The following ARID5B variants were observed in gnomAD, a reference collection of about 807,000 sequenced individuals.
ARID5B encodes AT-rich interaction domain 5B, also known as AT-rich interactive domain-containing protein 5B.
In ARID5B, 13 loss-of-function variants were observed where a neutral mutation model predicts 97.2. The ratio of observed to expected loss-of-function variants is 0.13; its 90% CI spans 0.09 to 0.21. The LOEUF is 0.21. Among genes scored for constraint, ARID5B ranks in the 10% least tolerant of loss-of-function variants. The pLI, the probability that ARID5B is intolerant of heterozygous loss-of-function variation, is 1.00. For synonymous variants in ARID5B, 556 were observed against 570.3 expected (o/e 0.97, Z 0.36); for missense variants, 1,210 against 1,465.3 (o/e 0.83, Z 2.84).
chr10:61,991,584 G>A (rs1188713453), intron 3 of ARID5B, among the ~76,000 whole-genome samples: 4 of 152,068 alleles, frequency 2.6e-5, no homozygotes, highest in African/African-American at 9.7e-5. Flanking sequence ...CCCTTATCAG[G>A]TATATGCTTT....
In ARID5B at chr10:61,925,731, CA is replaced by C. The variant is rs1299508665; in HGVS notation, c.277-14451del. Among the ~76,000 whole-genome samples the C allele has an allele frequency of 2.0e-5, 3 of 152,228 alleles. No individual in the cohort carries two copies. The East Asian group carries it at 5.8e-4, about 29-fold the overall frequency. On this transcript the variant is annotated intron_variant, in intron 2 of 9. Transcript: ENST00000279873. ...TTCTAGGACTTTCTCTGGAGATGGT[CA>C]GGGGAGCAGGCTGCAGCCGACCAGG... is the stretch of plus-strand genomic sequence containing the variant.
At chr10:61,964,231 G>A (rs1468616569) in intron 3 of ARID5B, among the ~76,000 whole-genome samples, 1 of 152,116 alleles carries the variant, frequency 6.6e-6, no homozygotes, top group East Asian at 1.9e-4. Flanking sequence ...GGGTGTCCAG[G>A]AACTCCCAAG....
At chr10:61,910,437 T>A (rs74156278) in intron 2 of ARID5B, among the ~76,000 whole-genome samples, 305 of 152,308 alleles carry the variant, frequency 2.0e-3, no homozygotes, top group African/African-American at 7.0e-3. Flanking sequence ...TTAAGGAAAT[T>A]TAAAACAAAT....
intron 4 of ARID5B, among the ~76,000 whole-genome samples, chr10:62,028,915 C>G (rs1020331221): frequency 6.6e-6 from 1 of 151,102 alleles, no homozygotes; most frequent in African/African-American, 2.4e-5. Context: ...TGAGATCACG[C>G]CACTGCGCTC....
intron 2 of ARID5B, among the ~76,000 whole-genome samples, chr10:61,917,973 C>T (rs894941263): frequency 2.0e-5 from 3 of 152,090 alleles, no homozygotes; most frequent in African/African-American, 7.2e-5. Context: ...TTGAAAACAC[C>T]TAGGGATGGA....
intron 3 of ARID5B, among the ~76,000 whole-genome samples, chr10:61,998,336 C>T (rs1839030150): frequency 1.3e-5 from 2 of 152,164 alleles, no homozygotes; most frequent in African/African-American, 4.8e-5. Flanking sequence ...AGTGCAATTC[C>T]CTGCAGCATG....
At chr10:62,066,386 C>T (rs916744420) in intron 7 of ARID5B, among the ~76,000 whole-genome samples, 2 of 152,196 alleles carry the variant, frequency 1.3e-5, no homozygotes, top group Non-Finnish European at 2.9e-5. Context: ...GTGAAGGGCA[C>T]ATTTTATGAC....
intron 4 of ARID5B, among the ~76,000 whole-genome samples, chr10:62,001,249 A>G (rs534800001): frequency 1.3e-5 from 2 of 152,150 alleles, no homozygotes; most frequent in Admixed American, 6.5e-5. Context: ...GGGAATTTCT[A>G]TACTTAGAGG....
intron 3 of ARID5B, among the ~76,000 whole-genome samples, chr10:61,978,257 C>T (rs1400472892): frequency 1.3e-5 from 2 of 152,296 alleles, no homozygotes; most frequent in African/African-American, 4.8e-5. Flanking sequence ...GTTTTGGTTA[C>T]TGTAGCCTTG....
chr10:62,042,500 GCTGAGAAAACAGAC>G (rs1189139666), intron 4 of ARID5B, among the ~76,000 whole-genome samples: 1 of 152,176 alleles, frequency 6.6e-6, no homozygotes, highest in East Asian at 1.9e-4. Flanking sequence ...GGTGGCATGG[GCTGAGAAAACAGAC>G]CCTTTGCGTG....
intron 2 of ARID5B, among the ~76,000 whole-genome samples, chr10:61,907,404 C>T (rs889066519): frequency 1.5e-5 from 2 of 136,040 alleles, no homozygotes; most frequent in Admixed American, 1.5e-4. Context: ...CTTAAATGAC[C>T]ACACTGGCCT....
intron 2 of ARID5B, among the ~76,000 whole-genome samples, chr10:61,904,684 T>C (rs1843678172): frequency 6.6e-6 from 1 of 152,242 alleles, no homozygotes; most frequent in Non-Finnish European, 1.5e-5. Context: ...ACACGGCTGG[T>C]AATTAGCTGT....
intron 4 of ARID5B, among the ~76,000 whole-genome samples, chr10:62,009,746 C>T (rs1291389418): frequency 6.6e-6 from 1 of 152,188 alleles, no homozygotes; most frequent in Non-Finnish European, 1.5e-5. Context: ...ATATAACAGA[C>T]ACTACGAGGC....
At chr10:61,996,118 A>C (rs553062400) in intron 3 of ARID5B, among the ~76,000 whole-genome samples, 7 of 152,260 alleles carry the variant, frequency 4.6e-5, no homozygotes, top group African/African-American at 1.4e-4. Flanking sequence ...TTCCTATCAC[A>C]TGCATAGAAA....
rs979195251 is a variant in ARID5B at position 61,999,538 on chromosome 10, C to G, written c.503-553C>G. ...GGGAGCTGCCACCCACTGCCCCTGC[C>G]AAGCCTTACAGGAGAGTGTCCTACT... On this transcript the variant is annotated intron_variant, in intron 3 of 9. Transcript: ENST00000279873. 2.0e-5 allele frequency among the ~76,000 whole-genome samples: 3 copies of G among 152,292 alleles called. No homozygotes were observed. In the East Asian group the frequency reaches 5.8e-4, roughly 29 times the overall value.
At chr10:61,956,279 C>T (rs772600988) in intron 3 of ARID5B, among the ~76,000 whole-genome samples, 6 of 152,106 alleles carry the variant, frequency 3.9e-5, no homozygotes, top group Non-Finnish European at 8.8e-5. Context: ...TGTGCATGCA[C>T]GTGATCTAGG....
At chr10:61,976,029 A>G (rs1454177216) in intron 3 of ARID5B, among the ~76,000 whole-genome samples, 3 of 152,354 alleles carry the variant, frequency 2.0e-5, no homozygotes, top group African/African-American at 4.8e-5. Flanking sequence ...CATGTCAGAC[A>G]GGGCCTGGGT....
chr10:62,086,189 A>G (rs1840277364), intron 9 of ARID5B, among the ~76,000 whole-genome samples: 1 of 152,228 alleles, frequency 6.6e-6, no homozygotes. Context: ...TCAGGCTTCA[A>G]GAGAAAAGGG....
chr10:61,913,781 C>T (rs1389395856), intron 2 of ARID5B, among the ~76,000 whole-genome samples: 1 of 152,132 alleles, frequency 6.6e-6, no homozygotes, highest in Admixed American at 6.6e-5. Flanking sequence ...GATGGAGTTT[C>T]GCTCTTTTTG....
Sources: allele counts gnomAD v4.1 joint callset (sites outside exome capture counted in the v4.1 genomes callset), GRCh38; gene constraint gnomAD v4.1.1; transcripts MANE v1.5; gene names NCBI Gene and HGNC (gene_info 2026-07-23, HGNC 2026-07-21).